Variants in STAG3 observed in about 807,000 individuals in gnomAD.
The protein encoded by STAG3 is STAG3 cohesin complex component, also known as cohesin subunit SA-3.
In STAG3, 101 loss-of-function variants were observed where a neutral mutation model predicts 160.7. That is an observed-to-expected ratio of 0.63 (90% confidence interval 0.54 to 0.74). The LOEUF (loss-of-function observed/expected upper bound fraction) is 0.74, where lower values mean the gene tolerates loss of function less well. Among genes scored for constraint, STAG3 ranks in the 30% least tolerant of loss-of-function variants. The pLI, the probability that STAG3 is intolerant of heterozygous loss-of-function variation, is 0.00. For synonymous variants in STAG3, 519 were observed against 585.0 expected (o/e 0.89, Z 1.63); for missense variants, 1,188 against 1,517.4 (o/e 0.78, Z 3.61).
intron 24 of STAG3, 50 bp from the exon 25 acceptor site, chr7:100,202,404 G>C: frequency 6.8e-6 from 11 of 1,609,554 alleles, no homozygotes; most frequent in Non-Finnish European, 8.5e-6. Context: ...CAGAAATATA[G>C]GGCAGGAAGC....
At chr7:100,202,136 C>T in intron 23 of STAG3, 36 bp from the exon 24 acceptor site, 2 of 1,609,540 alleles carry the variant, frequency 1.2e-6, no homozygotes, top group South Asian at 2.2e-5. Context: ...GGGAAACATT[C>T]TGTCCTTTTA....
At chr7:100,200,077 A>AAAG in intron 16 of STAG3, 159 bp from the exon 17 acceptor site, 1 of 582,476 alleles carries the variant, frequency 1.7e-6, no homozygotes, top group Non-Finnish European at 3.0e-6. Context: ...AAAAAAAAAA[A>AAAG]AAAAAGGAGT....
chr7:100,182,231 G>C, intron 3 of STAG3, 39 bp downstream of exon 3: 1 of 1,489,660 alleles, frequency 6.7e-7, no homozygotes, highest in Non-Finnish European at 9.3e-7. Context: ...GAATCTTGTG[G>C]GGGAAGCAGC....
intron 25 of STAG3, among the ~76,000 whole-genome samples, chr7:100,203,438 C>T (rs1801330095): frequency 6.6e-6 from 1 of 152,072 alleles, no homozygotes; most frequent in Non-Finnish European, 1.5e-5. Context: ...AACTTGGCCT[C>T]CCAAACTGCT....
chr7:100,210,897 T>A, intron 29 of STAG3, 114 bp from the exon 30 acceptor site: 1 of 1,161,768 alleles, frequency 8.6e-7, no homozygotes, highest in East Asian at 2.4e-5. Flanking sequence ...CTGTATAAGT[T>A]TTCCATTCTC....
intron 11 of STAG3, 36 bp from the exon 12 acceptor site, chr7:100,198,051 G>A: frequency 6.2e-7 from 1 of 1,605,190 alleles, no homozygotes; most frequent in Non-Finnish European, 8.5e-7. Flanking sequence ...TGGAATGGGT[G>A]TAATGAGATA....
chr7:100,204,618 TG>T lies in STAG3; in HGVS notation c.2803-7del. 6.2e-7 allele frequency: 1 copy of T among 1,613,354 alleles called. No individual in the cohort carries two copies. Among genetic ancestry groups the T allele is most frequent in the Non-Finnish European group, 8.5e-7 (1 of 1,179,560 alleles). On this transcript the variant is annotated splice_polypyrimidine_tract_variant and splice_region_variant and intron_variant, in intron 26 of 33. Transcript: ENST00000615138. ...CCTTTCCCACATGCACCATGTCTCCTGGACACAGCTGTACACAGAACTGCTG... is the reference window on the plus strand; with the variant it reads ...CCTTTCCCACATGCACCATGTCTCCTGACACAGCTGTACACAGAACTGCTG...
chr7:100,210,949 G>C (rs1802135258), intron 29 of STAG3, 62 bp from the exon 30 acceptor site: 1 of 1,539,612 alleles, frequency 6.5e-7, no homozygotes, highest in Non-Finnish European at 8.8e-7. Context: ...GGCAGGTCTT[G>C]GAAAGAGAGC....
chr7:100,198,123 G>A lies in STAG3; in HGVS notation c.1201G>A (p.Asp401Asn). ...MVSMVMDREY[D>N]VAVEAVRLLI... ...TTCCATGGTCATGGACAGAGAGTATGATGTGGCAGTGGAGGCTGTCAGATT... is the reference window on the plus strand; with the variant it reads ...TTCCATGGTCATGGACAGAGAGTATAATGTGGCAGTGGAGGCTGTCAGATT... The change falls in exon 12 of 34, where the codon GAT becomes AAT. Residue 401 changes from aspartate to asparagine, a missense_variant. By Grantham distance (23) the Asp-to-Asn change is conservative (BLOSUM62 1). Around this residue, in one of 4 missense-constraint regions of STAG3, gnomAD observed 240 missense variants for 358.1 expected, o/e 0.67. Coordinates refer to ENST00000615138, the MANE Select transcript of STAG3 (RefSeq NM_001282717.2). The A allele has an allele frequency of 6.2e-7, 1 of 1,613,972 alleles. No individual in the cohort carries two copies. Among genetic ancestry groups the A allele is most frequent in the Non-Finnish European group, 8.5e-7 (1 of 1,179,862 alleles).
At position 100,211,144 on chromosome 7, in the gene STAG3, G is replaced by A. The variant is rs760290047; in HGVS notation, c.3372G>A (p.Glu1124=). The A allele has an allele frequency of 1.3e-6, 2 of 1,599,294 alleles. No individual in the cohort carries two copies. The highest frequency in any genetic ancestry group is 2.2e-5 in the East Asian group (1 of 44,544). The change falls in exon 30 of 34, where the codon GAG becomes GAA. Residue 1124 remains glutamate, a synonymous_variant. Coordinates refer to ENST00000615138, the MANE Select transcript of STAG3 (RefSeq NM_001282717.2). ...GGCAGCCCCTGTGGGGGTTGAAAGA[G>A]ATGGAGGAAGAAGATGGCTCAGAGT... ...KSRQPLWGLK[E]MEEEDGSELD... is the part of the protein sequence containing the mutation.
At chr7:100,182,402 T>C (rs1431035926) in intron 3 of STAG3, among the ~76,000 whole-genome samples, 1 of 151,326 alleles carries the variant, frequency 6.6e-6, no homozygotes, top group African/African-American at 2.4e-5. Flanking sequence ...GTTCAGGTGA[T>C]ACGGTTCATA....
intron 4 of STAG3, among the ~76,000 whole-genome samples, chr7:100,183,373 G>A (rs1366831972): frequency 6.6e-6 from 1 of 152,224 alleles, no homozygotes; most frequent in Non-Finnish European, 1.5e-5. Context: ...TTTATTGATT[G>A]ATGGAGCAGA....
At position 100,200,669 on chromosome 7, in the gene STAG3, A is replaced by G; in HGVS notation, c.1861-100A>G. The stretch of plus-strand genomic sequence containing the variant: ...CAGCAAGCCTTTTCTTAGGCATCTT[A>G]TCCTTGAAGTTTAATGCTTTTAACC... On this transcript the variant is annotated intron_variant, in intron 18 of 33. Coordinates refer to ENST00000615138, the MANE Select transcript of STAG3 (RefSeq NM_001282717.2). 2.0e-6 allele frequency: 3 copies of G among 1,537,240 alleles called. 1 individual carries two copies. Among genetic ancestry groups the G allele is most frequent in the South Asian group, 2.3e-5 (2 of 86,406 alleles).
chr7:100,182,741 A>T lies in STAG3; in HGVS notation c.238A>T (p.Lys80Ter). The change falls in exon 4 of 34, where the codon AAA (lysine) becomes TAA (stop). Residue 80 changes from lysine to a stop codon, truncating the protein, a stop_gained. Transcript: ENST00000615138. LOFTEE classifies it high-confidence loss of function. ...ATATTAGGTGGCAAAACATCCAAAG[A>T]AAGGGTCCCGAGTGGTACATCGTCA... The part of the protein sequence containing the change: ...KTTPVAKHPK[K>*]GSRVVHRHSR... 2.5e-6 allele frequency: 4 copies of T among 1,614,004 alleles called. No individual in the cohort carries two copies. The highest frequency in any genetic ancestry group is 3.4e-6 in the Non-Finnish European group (4 of 1,179,956).
At position 100,182,749 on chromosome 7, in the gene STAG3, C is replaced by T; in HGVS notation, c.246C>T (p.Ser82=). ...TPVAKHPKKG[S]RVVHRHSRKQ... ...TGGCAAAACATCCAAAGAAAGGGTCCCGAGTGGTACATCGTCATAGCCGGA... is the reference window on the plus strand; with the variant it reads ...TGGCAAAACATCCAAAGAAAGGGTCTCGAGTGGTACATCGTCATAGCCGGA... The change falls in exon 4 of 34, where the codon TCC becomes TCT. Residue 82 remains serine, a synonymous_variant. Transcript: ENST00000615138. The T allele has an allele frequency of 6.2e-7, 1 of 1,613,842 alleles. No homozygotes were observed. The highest frequency in any genetic ancestry group is 8.5e-7 in the Non-Finnish European group (1 of 1,179,926).
rs201094844 is a variant in STAG3 at position 100,200,896 on chromosome 7, C to T, written c.1988C>T (p.Ala663Val). The T allele has an allele frequency of 8.7e-6, 14 of 1,614,214 alleles. No individual in the cohort carries two copies. Among genetic ancestry groups the T allele is most frequent in the Admixed American group, 1.7e-5 (1 of 60,026 alleles). Residue 663 changes from alanine (A) to valine (V), a missense_variant, in exon 19 of 34, where the codon GCG becomes GTG. Coordinates refer to ENST00000615138, the MANE Select transcript of STAG3 (RefSeq NM_001282717.2). ...CCCGAATTCACTTTCTTCAGCCGGG[C>T]GGACTTTGCCCGCAGCCAGCTAGTA... is the stretch of plus-strand genomic sequence containing the variant. Reference protein sequence around the residue: ...CNPEFTFFSRADFARSQLVDL... With the variant: ...CNPEFTFFSRVDFARSQLVDL...
At position 100,194,242 on chromosome 7, in the gene STAG3, C is replaced by G. The variant is rs558841816; in HGVS notation, c.868-1067C>G. Among the ~76,000 whole-genome samples the G allele has an allele frequency of 1.2e-3, 181 of 152,286 alleles. 3 individuals carry two copies. The South Asian group carries it at 0.033, about 28-fold the overall frequency. On this transcript the variant is annotated intron_variant, in intron 8 of 33. Coordinates refer to ENST00000615138, the MANE Select transcript of STAG3 (RefSeq NM_001282717.2). ...TATAGGTGTGAGCCACTGCACCTGG[C>G]CTCTAAGCTTAATCATTTCTAGCTT...
In STAG3 at chr7:100,207,501, T is replaced by C. The variant is rs1418416340; in HGVS notation, c.3238+2117T>C. Among the ~76,000 whole-genome samples, 1 of 152,270 alleles carries C rather than the reference T, an allele frequency of 6.6e-6. No individual in the cohort carries two copies. The highest frequency in any genetic ancestry group is 1.5e-5 in the Non-Finnish European group (1 of 68,044). On this transcript the variant is annotated intron_variant, in intron 29 of 33. Coordinates refer to ENST00000615138, the MANE Select transcript of STAG3 (RefSeq NM_001282717.2). This position sits in a 1 kb window ranked among gnomAD's most constrained non-coding sequence, Gnocchi z 4.0. ...ATTGAGCATCTTTTCATGTGCTTAT[T>C]GACAATTTGTTTATCTTCTTTGGAG...
At chr7:100,205,492 T>G in intron 29 of STAG3, 108 bp downstream of exon 29, 1,865 of 1,165,796 alleles carry the variant, frequency 1.6e-3, no homozygotes, top group Non-Finnish European at 1.9e-3. Context: ...TTCAGGGTAT[T>G]AATTTCTTTC....
Sources: allele counts gnomAD v4.1 joint callset (sites outside exome capture counted in the v4.1 genomes callset), GRCh38; gene constraint gnomAD v4.1.1; regional missense constraint gnomAD v4.1.1; non-coding constraint Gnocchi (gnomAD v3.1); transcripts MANE v1.5; gene names NCBI Gene and HGNC (gene_info 2026-07-23, HGNC 2026-07-21).